Variants in CACNA1S observed in about 807,000 individuals in gnomAD.
CACNA1S encodes voltage-dependent L-type calcium channel subunit alpha-1S.
A neutral mutation model predicts 207.4 loss-of-function variants in CACNA1S; 126 were observed. That is an observed-to-expected ratio of 0.61 (90% CI 0.53 to 0.70). The LOEUF (loss-of-function observed/expected upper bound fraction) is 0.70, where lower values mean the gene tolerates loss of function less well. Ranked by LOEUF, CACNA1S falls within the 30% of genes least tolerant of loss-of-function variation. The pLI is 0.00. For synonymous variants in CACNA1S, 960 were observed against 932.7 expected (o/e 1.03, Z -0.53); for missense variants, 2,349 against 2,422.8 (o/e 0.97, Z 0.64).
rs771510659 is a variant in CACNA1S, at chr1:201,039,784, C to T, written c.*47G>A. The stretch of plus-strand genomic sequence containing the variant: ...TCTCCACCCCAGCAACTTCCCCACC[C>T]CCATTGGTCATGCCAGCTCTAAGCC... On this transcript the variant is annotated 3_prime_UTR_variant, in exon 44 of 44. Coordinates refer to ENST00000362061, the MANE Select transcript of CACNA1S (RefSeq NM_000069.3). 1.9e-6 allele frequency: 3 copies of T among 1,599,686 alleles called. No individual in the cohort carries two copies. The highest frequency in any genetic ancestry group is 1.3e-5 in the African/African-American group (1 of 75,064).
At position 201,059,270 on chromosome 1, in the gene CACNA1S, G is replaced by A; in HGVS notation, c.3444C>T (p.His1148=). 1 of 1,613,918 alleles carries A rather than the reference G, an allele frequency of 6.2e-7. No individual in the cohort carries two copies. Among genetic ancestry groups the A allele is most frequent in the Non-Finnish European group, 8.5e-7 (1 of 1,179,786 alleles). ...AGGCCACATTGAGGATGTCTGAGAT[G>A]TGGTTCATCTGCTCCGACTGGTTGT... The part of the protein sequence containing the change: ...QHYNQSEQMN[H]ISDILNVAFT... Residue 1148 remains histidine (H), a synonymous_variant, in exon 27 of 44, where the codon CAC becomes CAT. Coordinates refer to ENST00000362061, the MANE Select transcript of CACNA1S (RefSeq NM_000069.3).
At chr1:201,070,662 T>C (rs1434518139) in intron 16 of CACNA1S, among the ~76,000 whole-genome samples, 1 of 152,106 alleles carries the variant, frequency 6.6e-6, no homozygotes, top group Non-Finnish European at 1.5e-5. Flanking sequence ...CCAAGTAACT[T>C]TGTGGCTGCA....
chr1:201,111,649 T>G (rs560948024), intron 1 of CACNA1S, among the ~76,000 whole-genome samples: 1 of 152,234 alleles, frequency 6.6e-6, no homozygotes, highest in Admixed American at 6.5e-5. Context: ...CTCTGTCCAC[T>G]GTCACCCCCC....
intron 28 of CACNA1S, among the ~76,000 whole-genome samples, chr1:201,056,482 C>T (rs1660850568): frequency 6.6e-6 from 1 of 152,216 alleles, no homozygotes; most frequent in Admixed American, 6.5e-5. Flanking sequence ...AGAAGAAAGC[C>T]CTATGCATGG....
At chr1:201,068,795 C>T (rs2061053499) in intron 19 of CACNA1S, among the ~76,000 whole-genome samples, 1 of 152,072 alleles carries the variant, frequency 6.6e-6, no homozygotes, top group African/African-American at 2.4e-5. Flanking sequence ...TCGCTTGAAC[C>T]TGGGAGGTGG....
intron 34 of CACNA1S, among the ~76,000 whole-genome samples, chr1:201,049,323 C>T (rs1660576186): frequency 1.3e-5 from 2 of 152,220 alleles, no homozygotes; most frequent in Admixed American, 6.5e-5. Context: ...AGGCTCTCTC[C>T]TTTGGCGCAT....
At chr1:201,100,808 CT>C (rs1318820848) in intron 2 of CACNA1S, among the ~76,000 whole-genome samples, 2 of 151,876 alleles carry the variant, frequency 1.3e-5, no homozygotes, top group African/African-American at 2.4e-5. Context: ...CGGCCCTATT[CT>C]GGCCACATGC....
chr1:201,102,136 A>T (rs955549104), intron 2 of CACNA1S, among the ~76,000 whole-genome samples: 2 of 152,192 alleles, frequency 1.3e-5, no homozygotes, highest in Non-Finnish European at 2.9e-5. Flanking sequence ...GGTGCTGGAT[A>T]CAGCACAGGG....
rs58170287 is a variant in CACNA1S, at chr1:201,056,070, G to GACACACACACACACACAC, written c.3610-1527_3610-1510dup. ...ACACACACAGACAGACAGACAGACAGACACACACACACACACACACACACA... is the reference window on the plus strand; with the variant it reads ...ACACACACAGACAGACAGACAGACAGACACACACACACACACACACACACACACACACACACACACACA... On this transcript the variant is annotated intron_variant, in intron 28 of 43. Transcript: ENST00000362061. Among the ~76,000 whole-genome samples, 42 of 94,914 alleles carry GACACACACACACACACAC rather than the reference G, an allele frequency of 4.4e-4. 1 individual carries two copies. The East Asian group carries it at 8.2e-3, about 18-fold the overall frequency. The allele number at this position is 94,914 out of a possible 152,430, so 62.3% of individuals were successfully genotyped here.
Position 201,065,870 on chromosome 1 carries a change from T to G in CACNA1S, c.2821A>C (p.Met941Leu). ...IVLVTTLLQF[M>L]FACIGVQLFK... ...AGCTGGACGCCGATGCAGGCAAACA[T>G]GAACTGTAGGAGGGTAGTGACCAGC... Residue 941 changes from methionine (M) to leucine (L), a missense_variant, in exon 22 of 44, where the codon ATG becomes CTG. Met to Leu is a conservative substitution (Grantham distance 15, BLOSUM62 2). Coordinates refer to ENST00000362061, the MANE Select transcript of CACNA1S (RefSeq NM_000069.3). 4.3e-6 allele frequency: 7 copies of G among 1,614,006 alleles called. No individual in the cohort carries two copies. Among genetic ancestry groups the G allele is most frequent in the Non-Finnish European group, 5.9e-6 (7 of 1,179,920 alleles).
At chr1:201,082,967 G>A (rs1486819896) in intron 10 of CACNA1S, among the ~76,000 whole-genome samples, 195 bp downstream of exon 10, 4 of 152,196 alleles carry the variant, frequency 2.6e-5, no homozygotes, top group Non-Finnish European at 5.9e-5. Flanking sequence ...TTTGCCACTT[G>A]AGGTCTCCGT....
Position 201,078,019 on chromosome 1 carries a change from C to T in CACNA1S, c.1479G>A (p.Met493Ile), listed in dbSNP as rs1410970419. The change falls in exon 11 of 44, where the codon ATG becomes ATA. Residue 493 changes from methionine (M) to isoleucine (I), a missense_variant. By Grantham distance (10) the Met-to-Ile change is conservative. Transcript: ENST00000362061. ...AGCAGTCGAAGCGGTTGAAGATAGACATGAAGTACTGGCGCAGGCCCAGCC... is the reference window on the plus strand; with the variant it reads ...AGCAGTCGAAGCGGTTGAAGATAGATATGAAGTACTGGCGCAGGCCCAGCC... The part of the protein sequence containing the change: ...MYGLGLRQYF[M>I]SIFNRFDCFV... 6.2e-7 allele frequency: 1 copy of T among 1,614,196 alleles called. No homozygotes were observed. Among genetic ancestry groups the T allele is most frequent in the Admixed American group, 1.7e-5 (1 of 60,034 alleles).
intron 35 of CACNA1S, 83 bp from the exon 36 acceptor site, chr1:201,048,767 G>A (rs914246530): frequency 3.7e-5 from 44 of 1,204,834 alleles, no homozygotes; most frequent in South Asian, 1.2e-4. Context: ...TCTGTGGACC[G>A]GGAGGGGACG....
chr1:201,112,137 C>A, intron 1 of CACNA1S, 51 bp downstream of exon 1: 1 of 1,522,646 alleles, frequency 6.6e-7, no homozygotes, highest in Non-Finnish European at 9.1e-7. Flanking sequence ...CACCCCGAAT[C>A]CCTCCCTCAT....
chr1:201,100,641 C>G (rs1662617719), intron 2 of CACNA1S, among the ~76,000 whole-genome samples: 1 of 152,136 alleles, frequency 6.6e-6, no homozygotes, highest in South Asian at 2.1e-4. Context: ...GCCAGACACA[C>G]CAGGGCTGAC....
chr1:201,085,031 C>T lies in CACNA1S; in HGVS notation c.1151G>A (p.Gly384Glu), dbSNP rs201737381. 2.9e-5 allele frequency: 47 copies of T among 1,608,994 alleles called. No individual in the cohort carries two copies. Among genetic ancestry groups the T allele is most frequent in the Non-Finnish European group, 3.8e-5 (45 of 1,178,990 alleles). The change falls in exon 9 of 44, where the codon GGA (glycine) becomes GAA (glutamate). Residue 384 changes from glycine (G) to glutamate (E), a missense_variant and splice_region_variant. Transcript: ENST00000362061. Reference sequence around the variant, plus strand: ...GCCACCTTCATCCAAAGACAGTTTTCCTGGAGACAGGAGAGAAAGAGTCAG... The same window carrying T: ...GCCACCTTCATCCAAAGACAGTTTTTCTGGAGACAGGAGAGAAAGAGTCAG... ...EVMDVEDFRE[G>E]KLSLDEGGSD...
At chr1:201,068,819 C>T (rs1449534856) in intron 19 of CACNA1S, among the ~76,000 whole-genome samples, 13 of 152,116 alleles carry the variant, frequency 8.5e-5, no homozygotes, top group Admixed American at 8.5e-4. Context: ...TTGCAGTGAG[C>T]TGAGATAGTG....
Position 201,069,611 on chromosome 1 carries a change from C to A in CACNA1S, c.2361-10G>T. On this transcript the variant is annotated splice_polypyrimidine_tract_variant and intron_variant, in intron 17 of 43. Transcript: ENST00000362061. The stretch of plus-strand genomic sequence containing the variant: ...ACACAGGACACGGATCCTGGTGGGG[C>A]GAGGTAGGGAGGGCAGGGGAGCTGT... The A allele has an allele frequency of 6.4e-7, 1 of 1,551,508 alleles. No individual in the cohort carries two copies. The highest frequency in any genetic ancestry group is 8.7e-7 in the Non-Finnish European group (1 of 1,146,742).
intron 7 of CACNA1S, 116 bp downstream of exon 7, chr1:201,087,710 C>T (rs1464868433): frequency 1.4e-6 from 1 of 737,076 alleles, no homozygotes; most frequent in Non-Finnish European, 2.4e-6. Flanking sequence ...TCTCCTCCTC[C>T]TCTCCACTCG....
Sources: gnomAD v4.1 joint callset for allele counts (sites outside exome capture counted in the v4.1 genomes callset) on GRCh38, gnomAD v4.1.1 for gene constraint, MANE v1.5 for transcripts, NCBI Gene and HGNC (gene_info 2026-07-23, HGNC 2026-07-21) for gene names.